The following TCF4 variants were observed in gnomAD, a reference collection of about 807,000 sequenced individuals.
TCF4 encodes transcription factor 4, also known as SL3-3 enhancer factor 2.
In TCF4, 3 loss-of-function variants were observed where a neutral mutation model predicts 82.1. The ratio of observed to expected loss-of-function variants is 0.04; its 90% CI spans 0.02 to 0.09. The LOEUF (loss-of-function observed/expected upper bound fraction) is 0.09, where lower values mean the gene tolerates loss of function less well. TCF4 is among the 10% of genes least tolerant of loss of function. The pLI, the probability that TCF4 is intolerant of heterozygous loss-of-function variation, is 1.00. For missense variants in TCF4, 518 were observed against 852.7 expected (o/e 0.61, Z 4.89); for synonymous variants, 276 against 309.6 (o/e 0.89, Z 1.14).
At chr18:55,585,687 G>A in intron 2 of TCF4, 5 of 950,438 alleles carry the variant, frequency 5.3e-6, no homozygotes, top group Non-Finnish European at 5.3e-6. Flanking sequence ...GTTTCACCAA[G>A]GAGAAGAAAA....
intron 3 of TCF4, among the ~76,000 whole-genome samples, chr18:55,555,983 G>A (rs1454571265): frequency 6.6e-6 from 1 of 152,110 alleles, no homozygotes; most frequent in Non-Finnish European, 1.5e-5. Context: ...CTTTCTATTT[G>A]TAGTTTAAAC....
chr18:55,302,271 A>G (rs1046202133), intron 8 of TCF4: 25 of 728,982 alleles, frequency 3.4e-5, no homozygotes, highest in Middle Eastern at 3.7e-4. Context: ...GCGAATTAAA[A>G]TGAAAGTTCT....
At chr18:55,278,599 C>T (rs995012654) in intron 9 of TCF4, among the ~76,000 whole-genome samples, 4 of 152,060 alleles carry the variant, frequency 2.6e-5, no homozygotes, top group African/African-American at 9.7e-5. Context: ...GATGGAGTCT[C>T]GCTCTGTTGC....
At chr18:55,502,892 C>T (rs1044108803) in intron 3 of TCF4, among the ~76,000 whole-genome samples, 5 of 152,122 alleles carry the variant, frequency 3.3e-5, no homozygotes, top group Admixed American at 6.5e-5. Flanking sequence ...TCATCTTAAT[C>T]GACGACTTAA....
intron 5 of TCF4, among the ~76,000 whole-genome samples, chr18:55,404,883 T>C (rs979837132): frequency 1.3e-5 from 2 of 152,246 alleles, no homozygotes; most frequent in African/African-American, 4.8e-5. Flanking sequence ...CAGTATTAAC[T>C]TTTCTACTGA....
At chr18:55,622,485 C>T (rs117145248) in intron 2 of TCF4, among the ~76,000 whole-genome samples, 5 of 131,702 alleles carry the variant, frequency 3.8e-5, no homozygotes, top group Admixed American at 1.7e-4. Flanking sequence ...AGCCTGGCAA[C>T]AGAGCGAGAC....
chr18:55,372,892 T>C (rs1242619099), intron 6 of TCF4, among the ~76,000 whole-genome samples: 1 of 152,052 alleles, frequency 6.6e-6, no homozygotes, highest in Non-Finnish European at 1.5e-5. Flanking sequence ...TAGACTTTAA[T>C]AGAGATATAT....
chr18:55,485,367 G>T (rs2096498684), intron 3 of TCF4, among the ~76,000 whole-genome samples: 1 of 152,168 alleles, frequency 6.6e-6, no homozygotes, highest in Non-Finnish European at 1.5e-5. Context: ...TGAACTTACT[G>T]CTCACTGAGG....
intron 15 of TCF4, among the ~76,000 whole-genome samples, chr18:55,238,272 T>C (rs915802328): frequency 6.6e-6 from 1 of 152,268 alleles, no homozygotes. Context: ...TCATTGTAAA[T>C]GTGAATCTTC....
chr18:55,546,771 A>G (rs905866856), intron 3 of TCF4: 2 of 152,364 alleles, frequency 1.3e-5, no homozygotes, highest in African/African-American at 2.4e-5. Context: ...TAATATCACC[A>G]TTATAATTCA....
chr18:55,455,442 C>T (rs2095726267), intron 5 of TCF4, among the ~76,000 whole-genome samples: 1 of 151,254 alleles, frequency 6.6e-6, no homozygotes. Context: ...TTAATAATTT[C>T]CTTTCTCAGA....
intron 3 of TCF4, among the ~76,000 whole-genome samples, chr18:55,474,806 G>C (rs958886866): frequency 6.6e-6 from 1 of 151,736 alleles, no homozygotes; most frequent in Non-Finnish European, 1.5e-5. Flanking sequence ...ACAGGGTCTC[G>C]TTCTGTCACA....
At chr18:55,313,967 A>T (rs2073362885) in intron 8 of TCF4, among the ~76,000 whole-genome samples, 1 of 152,150 alleles carries the variant, frequency 6.6e-6, no homozygotes, top group Admixed American at 6.6e-5. Context: ...CACAGAGTAG[A>T]GATAAAACGT....
intron 2 of TCF4, among the ~76,000 whole-genome samples, chr18:55,601,172 T>A (rs2097696504): frequency 6.6e-6 from 1 of 152,184 alleles, no homozygotes; most frequent in Non-Finnish European, 1.5e-5. Flanking sequence ...ATATATAGAA[T>A]GTTCAAAGCA....
At chr18:55,602,116 A>G (rs1253706693) in intron 2 of TCF4, among the ~76,000 whole-genome samples, 6 of 152,208 alleles carry the variant, frequency 3.9e-5, no homozygotes, top group African/African-American at 1.4e-4. Context: ...CACACTTACT[A>G]TGTGGCAGGC....
chr18:55,418,656 A>C (rs899332125), intron 5 of TCF4, among the ~76,000 whole-genome samples: 3 of 152,166 alleles, frequency 2.0e-5, no homozygotes, highest in Non-Finnish European at 2.9e-5. Context: ...TTGGTGGTTA[A>C]TTTATTTGCC....
At position 55,630,206 on chromosome 18, in the gene TCF4, G is replaced by T. The variant is rs533113609; in HGVS notation, c.286+1092C>A. Reference sequence around the variant, plus strand: ...CTGAAATTTTATATAGAATAATAATGTGTTAGATAATTATAACATTTAATT... The same window carrying T: ...CTGAAATTTTATATAGAATAATAATTTGTTAGATAATTATAACATTTAATT... On this transcript the variant is annotated intron_variant, in intron 2 of 20. Coordinates refer to the TCF4 transcript ENST00000398339. Among the ~76,000 whole-genome samples the T allele has an allele frequency of 2.0e-5, 3 of 152,092 alleles. No homozygotes were observed. In the South Asian group the frequency reaches 6.2e-4, roughly 32 times the overall value.
chr18:55,463,969 TGTGTGTGTGAGAGA>T (rs977028876), intron 4 of TCF4, 93 bp downstream of exon 4: 12 of 767,620 alleles, frequency 1.6e-5, no homozygotes, highest in African/African-American at 1.4e-4. Flanking sequence ...TGTGTGTGTG[TGTGTGTGTGAGAGA>T]GAGAGAGAGA....
At chr18:55,613,852 T>A (rs2147968305) in intron 2 of TCF4, among the ~76,000 whole-genome samples, 1 of 152,338 alleles carries the variant, frequency 6.6e-6, no homozygotes, top group Middle Eastern at 3.4e-3. Flanking sequence ...AACCATAGCA[T>A]ATTTCACTGC....
Sources: allele counts gnomAD v4.1 joint callset (sites outside exome capture counted in the v4.1 genomes callset), GRCh38; gene constraint gnomAD v4.1.1; transcripts MANE v1.5; gene names NCBI Gene and HGNC (gene_info 2026-07-23, HGNC 2026-07-21).